ZNF529: variants seen among roughly 807,000 people sequenced by gnomAD.
ZNF529 encodes zinc finger protein 529.
A neutral mutation model predicts 10.1 loss-of-function variants in ZNF529; 11 were observed. That is an observed-to-expected ratio of 1.09 (90% CI 0.69 to 1.81). The LOEUF is 1.81. Ranked by LOEUF, ZNF529 falls within the 40% of genes most tolerant of loss-of-function variation. ZNF529 has a pLI of 0.00. For missense variants in ZNF529, 624 were observed against 666.8 expected, an observed-to-expected ratio of 0.94 and a Z score of 0.71; for synonymous variants, 204 against 215.7, an observed-to-expected ratio of 0.95 and a Z score of 0.47.
At chr19:36,580,481 A>C (rs1363989883) in intron 2 of ZNF529, 1 of 152,230 alleles carries the variant, frequency 6.6e-6, no homozygotes, top group African/African-American at 2.4e-5. Context: ...GACAACGTCC[A>C]CAAGTGATAG....
chr19:36,595,171 C>T (rs892705098), intron 1 of ZNF529, among the ~76,000 whole-genome samples: 5 of 152,156 alleles, frequency 3.3e-5, no homozygotes, highest in African/African-American at 1.2e-4. Context: ...GCCACCATGC[C>T]CGGCCTCCTA....
chr19:36,580,544 A>G (rs1474443735), intron 2 of ZNF529: 1 of 152,228 alleles, frequency 6.6e-6, no homozygotes, highest in Non-Finnish European at 1.5e-5. Flanking sequence ...ATATGTGTCC[A>G]TCATTGAGTA....
At chr19:36,592,591 C>A in intron 1 of ZNF529, among the ~76,000 whole-genome samples, 1 of 142,566 alleles carries the variant, frequency 7.0e-6, no homozygotes, top group Admixed American at 7.1e-5. Flanking sequence ...AAGACTCTGT[C>A]TCCAAAAAAA....
At chr19:36,563,973 C>A (rs780983585) in intron 2 of ZNF529, among the ~76,000 whole-genome samples, 11 of 152,142 alleles carry the variant, frequency 7.2e-5, no homozygotes, top group Admixed American at 3.3e-4. Context: ...ACACCTACAA[C>A]CAACTGATCT....
chr19:36,565,799 A>G (rs954571971), intron 2 of ZNF529, among the ~76,000 whole-genome samples: 1 of 152,220 alleles, frequency 6.6e-6, no homozygotes, highest in Non-Finnish European at 1.5e-5. Context: ...TATTTCCCCA[A>G]TATGATTTAA....
chr19:36,547,297 G>GT lies in ZNF529; in HGVS notation c.1260dup (p.Pro421ThrfsTer3), dbSNP rs1293645971. The stretch of plus-strand genomic sequence containing the variant: ...TTCTCACATTCTTTACATTTATAGG[G>GT]TTTTTCACCAGTATGAATCCTCTGA... On this transcript the variant is annotated frameshift_variant, in exon 5 of 5. Transcript: ENST00000591340. LOFTEE classifies it low-confidence loss of function (END_TRUNC). 7.4e-6 allele frequency: 12 copies of GT among 1,613,656 alleles called. No individual in the cohort carries two copies. The highest frequency in any genetic ancestry group is 6.6e-5 in the South Asian group (6 of 91,084).
Position 36,547,783 on chromosome 19 carries a change from A to G in ZNF529, c.775T>C (p.Tyr259His). The change falls in exon 5 of 5, where the codon TAC becomes CAC. Residue 259 changes from tyrosine (Y) to histidine (H), a missense_variant. Transcript: ENST00000591340. ...HNEKFYKCKE[Y>H]RRTFERVGKV... ...CCAACTCTTTCAAAGGTCCTTCTGT[A>G]TTCCTTACATTTATAGAACTTCTCA... is the stretch of plus-strand genomic sequence containing the variant. 6.2e-7 allele frequency: 1 copy of G among 1,611,710 alleles called. No homozygotes were observed. The highest frequency in any genetic ancestry group is 8.5e-7 in the Non-Finnish European group (1 of 1,179,102).
At position 36,547,145 on chromosome 19, in the gene ZNF529, A is replaced by T; in HGVS notation, c.1413T>A (p.Ile471=). ...LTSALIQHQR[I]HSGEKPYECK... ...ATTCATAAGGTTTCTCACCACTATGAATTCTTTGATGTTGAATAAGGGCTG... is the reference window on the plus strand; with the variant it reads ...ATTCATAAGGTTTCTCACCACTATGTATTCTTTGATGTTGAATAAGGGCTG... The change falls in exon 5 of 5, where the codon ATT becomes ATA. Residue 471 remains isoleucine (I), a synonymous_variant. Transcript: ENST00000591340. 1 of 1,613,924 alleles carries T rather than the reference A, an allele frequency of 6.2e-7. No individual in the cohort carries two copies. Among genetic ancestry groups the T allele is most frequent in the Non-Finnish European group, 8.5e-7 (1 of 1,179,950 alleles).
intron 2 of ZNF529, among the ~76,000 whole-genome samples, chr19:36,584,888 A>G (rs1239158220): frequency 2.0e-5 from 3 of 152,232 alleles, no homozygotes; most frequent in African/African-American, 4.8e-5. Context: ...TTCCGATAGT[A>G]AAGCAATACA....
chr19:36,550,633 T>G (rs1483535800), intron 4 of ZNF529, among the ~76,000 whole-genome samples: 1 of 152,224 alleles, frequency 6.6e-6, no homozygotes, highest in African/African-American at 2.4e-5. Context: ...AACCATGATG[T>G]TGAAAACATT....
chr19:36,556,312 A>G (rs2035470148), intron 2 of ZNF529, 115 bp from the exon 3 acceptor site: 2 of 653,436 alleles, frequency 3.1e-6, no homozygotes, highest in East Asian at 5.5e-5. Context: ...AAACATGTTA[A>G]GAACTCTTAG....
At chr19:36,559,645 T>C (rs1409065705) in intron 2 of ZNF529, among the ~76,000 whole-genome samples, 1 of 152,234 alleles carries the variant, frequency 6.6e-6, no homozygotes, top group Non-Finnish European at 1.5e-5. Flanking sequence ...GTCCTTTTCA[T>C]GGCTGCATTA....
Position 36,547,585 on chromosome 19 carries a change from G to C in ZNF529, c.973C>G (p.Leu325Val), listed in dbSNP as rs780783761. Residue 325 changes from leucine to valine, a missense_variant, in exon 5 of 5, where the codon CTT (leucine) becomes GTT (valine). Coordinates refer to ENST00000591340, the MANE Select transcript of ZNF529 (RefSeq NM_020951.5). Reference protein sequence around the residue: ...CGKDFRFHSQLTEHQRIHTGE... With the variant: ...CGKDFRFHSQVTEHQRIHTGE... ...GTATGAATTCTCTGATGTTCGGTAA[G>C]CTGTGAATGAAATCTGAAGTCCTTG... 3.1e-6 allele frequency: 5 copies of C among 1,613,748 alleles called. No individual in the cohort carries two copies. Among genetic ancestry groups the C allele is most frequent in the Admixed American group, 3.3e-5 (2 of 59,998 alleles).
intron 1 of ZNF529, among the ~76,000 whole-genome samples, chr19:36,597,331 T>C (rs904445534): frequency 3.0e-4 from 45 of 152,244 alleles, no homozygotes; most frequent in African/African-American, 1.1e-3. Context: ...TCTTACCTTT[T>C]ATTTTATTGG....
At chr19:36,563,982 CT>C (rs1186287400) in intron 2 of ZNF529, among the ~76,000 whole-genome samples, 2 of 152,134 alleles carry the variant, frequency 1.3e-5, no homozygotes, top group Non-Finnish European at 2.9e-5. Flanking sequence ...ACCAACTGAT[CT>C]TTGACAAAGT....
At chr19:36,585,653 T>C (rs2036564122) in intron 2 of ZNF529, among the ~76,000 whole-genome samples, 1 of 152,256 alleles carries the variant, frequency 6.6e-6, no homozygotes, top group African/African-American at 2.4e-5. Context: ...AATTGCTTTG[T>C]AAACCATAAG....
In ZNF529 at chr19:36,547,821, T is replaced by C. The variant is rs1235062181; in HGVS notation, c.737A>G (p.Gln246Arg). The change falls in exon 5 of 5, where the codon CAG becomes CGG. Residue 246 changes from glutamine to arginine, a missense_variant. Gln to Arg is a conservative substitution (Grantham distance 43, BLOSUM62 1). Transcript: ENST00000591340. ...CSFYKDFNVY[Q>R]KIHNEKFYKC... is the part of the protein sequence containing the mutation. ...ATAGAACTTCTCATTATGAATTTTC[T>C]GGTATACATTAAAGTCTTTATAAAA... The C allele has an allele frequency of 1.9e-6, 3 of 1,609,492 alleles. No homozygotes were observed. The African/African-American group carries it at 4.0e-5, about 22-fold the overall frequency.
chr19:36,547,727 A>G lies in ZNF529; in HGVS notation c.831T>C (p.Asp277=), dbSNP rs946091312. The G allele has an allele frequency of 2.5e-6, 4 of 1,613,914 alleles. No homozygotes were observed. The Admixed American group carries it at 5.0e-5, about 20-fold the overall frequency. The change falls in exon 5 of 5, where the codon GAT becomes GAC. Residue 277 remains aspartate (D), a synonymous_variant. Transcript: ENST00000591340. ...ATGAGCATTCAAAGTGTTTCTCACC[A>G]TCATGAACTCTTTGAAGTGGAGTAA... ...GKVTPLQRVH[D]GEKHFECSFC...
At chr19:36,588,511 C>G (rs1267513252) in intron 2 of ZNF529, among the ~76,000 whole-genome samples, 3 of 152,092 alleles carry the variant, frequency 2.0e-5, no homozygotes, top group African/African-American at 7.2e-5. Context: ...TTGGTCTGCC[C>G]TGTTCCCTAA....
Sources: allele counts gnomAD v4.1 joint callset (sites outside exome capture counted in the v4.1 genomes callset), GRCh38; gene constraint gnomAD v4.1.1; transcripts MANE v1.5; gene names NCBI Gene and HGNC (gene_info 2026-07-23, HGNC 2026-07-21).